The following SUCLG2 variants were observed in gnomAD, a reference collection of about 807,000 sequenced individuals.
SUCLG2 encodes the protein succinate-CoA ligase GDP-forming subunit beta.
In SUCLG2, 42 loss-of-function variants were observed where a neutral mutation model predicts 47.9. The ratio of observed to expected loss-of-function variants is 0.88; its 90% confidence interval spans 0.69 to 1.14. SUCLG2 has a LOEUF of 1.14. Among genes scored for constraint, SUCLG2 ranks in the 50% most tolerant of loss-of-function variants. The pLI, the probability that SUCLG2 is intolerant of heterozygous loss-of-function variation, is 0.00. For missense variants in SUCLG2, 571 were observed against 525.9 expected, an observed-to-expected ratio of 1.09 and a Z score of -0.84; for synonymous variants, 195 against 197.3, an observed-to-expected ratio of 0.99 and a Z score of 0.10.
At chr3:67,361,217 C>T (rs1701799734) in intron 10 of SUCLG2, among the ~76,000 whole-genome samples, 1 of 151,376 alleles carries the variant, frequency 6.6e-6, no homozygotes, top group Non-Finnish European at 1.5e-5. Context: ...TTGGGCTGCA[C>T]CTATAAATGG....
intron 10 of SUCLG2, among the ~76,000 whole-genome samples, chr3:67,381,493 T>C (rs1702157318): frequency 6.6e-6 from 1 of 152,226 alleles, no homozygotes; most frequent in South Asian, 2.1e-4. Flanking sequence ...TGTTTATGCC[T>C]GTGCACAGAA....
chr3:67,393,762 C>G (rs564487001), intron 10 of SUCLG2, among the ~76,000 whole-genome samples: 32 of 152,272 alleles, frequency 2.1e-4, no homozygotes, highest in South Asian at 1.0e-3. Flanking sequence ...AGCCTAACTG[C>G]GAGGCACCCC....
intron 10 of SUCLG2, among the ~76,000 whole-genome samples, chr3:67,396,842 T>A (rs111986609): frequency 1.1e-4 from 16 of 152,336 alleles, no homozygotes; most frequent in Middle Eastern, 3.4e-3. Context: ...GTGGTCTTCA[T>A]CACTGGGATG....
intron 2 of SUCLG2, among the ~76,000 whole-genome samples, chr3:67,532,701 A>T (rs1416965517): frequency 2.6e-5 from 4 of 152,218 alleles, no homozygotes; most frequent in Non-Finnish European, 5.9e-5. Flanking sequence ...TGTAAGACAT[A>T]TCTGACAAAC....
chr3:67,459,410 C>T (rs1390271813), intron 9 of SUCLG2, among the ~76,000 whole-genome samples: 1 of 152,176 alleles, frequency 6.6e-6, no homozygotes, highest in African/African-American at 2.4e-5. Context: ...ACCCCATTCC[C>T]TAAAACTATT....
At chr3:67,394,580 T>C (rs376678675) in intron 10 of SUCLG2, among the ~76,000 whole-genome samples, 10,175 of 147,126 alleles carry the variant, frequency 0.069, 404 homozygotes, top group Middle Eastern at 0.11. Flanking sequence ...AGAATGGAAC[T>C]AAGTTGGAAA....
rs142166201 is a variant in SUCLG2 at position 67,479,530 on chromosome 3, C to T, written c.1062+16268G>A. 2.5e-3 allele frequency among the ~76,000 whole-genome samples: 377 copies of T among 152,276 alleles called. 11 individuals carry two copies. In the East Asian group the frequency reaches 0.044, roughly 18 times the overall value. ...GACCACTGTCCTTTTCCCCAGACAG[C>T]ACAAGGAACACAGATAACAAATGAA... is the stretch of plus-strand genomic sequence containing the variant. On this transcript the variant is annotated intron_variant, in intron 9 of 10. Coordinates refer to ENST00000307227, the MANE Select transcript of SUCLG2 (RefSeq NM_003848.4).
intron 1 of SUCLG2, among the ~76,000 whole-genome samples, chr3:67,645,006 A>C (rs1701166424): frequency 6.6e-6 from 1 of 152,178 alleles, no homozygotes; most frequent in Non-Finnish European, 1.5e-5. Flanking sequence ...ATCCTGTAGC[A>C]CATGACAACA....
At chr3:67,541,437 T>C (rs1026481409) in intron 2 of SUCLG2, among the ~76,000 whole-genome samples, 2 of 151,950 alleles carry the variant, frequency 1.3e-5, no homozygotes, top group East Asian at 1.9e-4. Flanking sequence ...ATATCAGAGA[T>C]TGAAGATCAA....
chr3:67,629,857 T>C (rs74682991), intron 1 of SUCLG2, among the ~76,000 whole-genome samples: 18 of 152,334 alleles, frequency 1.2e-4, no homozygotes, highest in Admixed American at 1.1e-3. Flanking sequence ...TTTAGATATG[T>C]GCCAGGAACC....
intron 2 of SUCLG2, among the ~76,000 whole-genome samples, chr3:67,558,392 C>T (rs537340890): frequency 8.4e-4 from 128 of 151,634 alleles, no homozygotes; most frequent in African/African-American, 2.8e-3. Flanking sequence ...TGAACAGCCT[C>T]GGTAGCTCTC....
At chr3:67,503,633 A>G (rs934788194) in intron 7 of SUCLG2, among the ~76,000 whole-genome samples, 2 of 152,212 alleles carry the variant, frequency 1.3e-5, no homozygotes, top group Non-Finnish European at 2.9e-5. Flanking sequence ...ATGAAACTCA[A>G]TTCTAAAGAA....
intron 4 of SUCLG2, among the ~76,000 whole-genome samples, chr3:67,527,552 T>C (rs530925242): frequency 6.6e-6 from 1 of 152,266 alleles, no homozygotes; most frequent in Admixed American, 6.5e-5. Context: ...CACAATTTCA[T>C]GACTGAGGCA....
At chr3:67,578,589 T>C (rs1236142895) in intron 2 of SUCLG2, among the ~76,000 whole-genome samples, 1 of 151,868 alleles carries the variant, frequency 6.6e-6, no homozygotes, top group Non-Finnish European at 1.5e-5. Context: ...GAATGCAAAA[T>C]GGGATGTTGC....
intron 2 of SUCLG2, among the ~76,000 whole-genome samples, chr3:67,560,863 T>C (rs1031056381): frequency 1.3e-5 from 2 of 151,534 alleles, no homozygotes; most frequent in African/African-American, 4.9e-5. Flanking sequence ...CTGCCTAGCC[T>C]TGAGATGCCT....
intron 9 of SUCLG2, among the ~76,000 whole-genome samples, chr3:67,406,177 T>TA (rs1303201792): frequency 2.6e-5 from 4 of 152,298 alleles, no homozygotes; most frequent in Admixed American, 6.5e-5. Flanking sequence ...GCTGTCAGTC[T>TA]AAAAAATTCA....
chr3:67,495,382 C>T (rs957941683), intron 9 of SUCLG2, among the ~76,000 whole-genome samples: 6 of 152,098 alleles, frequency 3.9e-5, no homozygotes, highest in Non-Finnish European at 7.4e-5. Context: ...GGGCTGGGCG[C>T]GGTGGCTCAT....
intron 9 of SUCLG2, among the ~76,000 whole-genome samples, chr3:67,417,412 A>G (rs1273482117): frequency 6.6e-6 from 1 of 152,254 alleles, no homozygotes. Flanking sequence ...AACTGTATTC[A>G]GAACAAGTAC....
At chr3:67,473,653 C>T (rs572935215) in intron 9 of SUCLG2, among the ~76,000 whole-genome samples, 8 of 152,272 alleles carry the variant, frequency 5.3e-5, no homozygotes, top group Admixed American at 3.9e-4. Flanking sequence ...TTTGACCCAA[C>T]TTCATTTTAA....
Sources: gnomAD v4.1 joint callset for allele counts (sites outside exome capture counted in the v4.1 genomes callset) on GRCh38, gnomAD v4.1.1 for gene constraint, MANE v1.5 for transcripts, NCBI Gene and HGNC (gene_info 2026-07-23, HGNC 2026-07-21) for gene names.